Variants in PRKCE observed in about 807,000 individuals in gnomAD.
PRKCE encodes the protein protein kinase C epsilon.
Under a neutral mutation model 85.4 loss-of-function variants are expected in PRKCE, and 16 were observed. That is an observed-to-expected ratio of 0.19 (90% confidence interval 0.13 to 0.28). PRKCE has a LOEUF of 0.28. Among genes scored for constraint, PRKCE ranks in the 10% least tolerant of loss-of-function variants. PRKCE has a pLI of 1.00. For missense variants in PRKCE, 573 were observed against 975.2 expected (o/e 0.59, Z 5.49); for synonymous variants, 388 against 371.5 (o/e 1.04, Z -0.51).
At position 45,934,961 on chromosome 2, in the gene PRKCE, T is replaced by C. The variant is rs1023351683; in HGVS notation, c.413-41468T>C. Among the ~76,000 whole-genome samples the C allele has an allele frequency of 7.2e-5, 11 of 151,810 alleles. No individual in the cohort carries two copies. In the East Asian group the frequency reaches 2.1e-3, roughly 29 times the overall value. On this transcript the variant is annotated intron_variant, in intron 2 of 14. Coordinates refer to ENST00000306156, the MANE Select transcript of PRKCE (RefSeq NM_005400.3). ...CTGTAGTCCCAGCTACTTGTGAGGC[T>C]GAGGCAGGAGCATTGCTTGATCGTG...
chr2:46,178,451 C>G (rs1679652882), intron 14 of PRKCE, among the ~76,000 whole-genome samples: 1 of 152,228 alleles, frequency 6.6e-6, no homozygotes. Context: ...AAATTTTTAA[C>G]TTGAGAGTTA....
intron 1 of PRKCE, among the ~76,000 whole-genome samples, chr2:45,826,583 A>G (rs922865604): frequency 6.6e-6 from 1 of 152,150 alleles, no homozygotes; most frequent in Non-Finnish European, 1.5e-5. Context: ...TACCAAATTC[A>G]GGTCTTAAGC....
chr2:45,884,554 G>A (rs1333650526), intron 2 of PRKCE, among the ~76,000 whole-genome samples: 4 of 152,094 alleles, frequency 2.6e-5, no homozygotes, highest in African/African-American at 7.2e-5. Context: ...CGACACCTAC[G>A]ACAATGTTAT....
At chr2:45,896,991 T>A (rs1286143538) in intron 2 of PRKCE, among the ~76,000 whole-genome samples, 4 of 152,074 alleles carry the variant, frequency 2.6e-5, no homozygotes, top group Non-Finnish European at 5.9e-5. Flanking sequence ...GGTGAAAGGA[T>A]CCCTTGAGCC....
At position 46,109,979 on chromosome 2, in the gene PRKCE, G is replaced by T. The variant is rs1359863308; in HGVS notation, c.1592+23617G>T. Among the ~76,000 whole-genome samples, 3 of 151,986 alleles carry T rather than the reference G, an allele frequency of 2.0e-5. No individual in the cohort carries two copies. In the East Asian group the frequency reaches 5.8e-4, roughly 29 times the overall value. ...TGATCAAATGATTTTTCTTCTCTAG[G>T]CTATTGATACGGCAGACTACATTGA... On this transcript the variant is annotated intron_variant, in intron 11 of 14. Transcript: ENST00000306156.
intron 2 of PRKCE, among the ~76,000 whole-genome samples, chr2:45,862,183 TACACACACACACACACACAC>T (rs6146747): frequency 3.6e-4 from 52 of 144,014 alleles, no homozygotes; most frequent in African/African-American, 7.6e-4. Flanking sequence ...TCTTCTTGTA[TACACACACACACACACACAC>T]ACACACACAC....
chr2:46,180,157 T>C (rs1679826289), intron 14 of PRKCE, among the ~76,000 whole-genome samples: 1 of 152,020 alleles, frequency 6.6e-6, no homozygotes, highest in Non-Finnish European at 1.5e-5. Flanking sequence ...ACAAGAAGCT[T>C]TGCTCAAGCA....
At chr2:45,782,151 G>A (rs1007524080) in intron 1 of PRKCE, among the ~76,000 whole-genome samples, 2 of 152,116 alleles carry the variant, frequency 1.3e-5, no homozygotes, top group Middle Eastern at 3.2e-3. Flanking sequence ...TAAACTCTTC[G>A]GAGCTGAGCT....
chr2:45,918,024 G>C (rs572225048), intron 2 of PRKCE, among the ~76,000 whole-genome samples: 1 of 152,232 alleles, frequency 6.6e-6, no homozygotes, highest in African/African-American at 2.4e-5. Flanking sequence ...CGCTAGCGCC[G>C]CGCGCAGCCC....
chr2:45,984,413 G>A, intron 5 of PRKCE, 138 bp from the exon 6 acceptor site: 1 of 1,253,998 alleles, frequency 8.0e-7, no homozygotes, highest in Non-Finnish European at 1.1e-6. Flanking sequence ...CCTCAGGGCA[G>A]CTTTTAGAGC....
At chr2:46,082,530 G>A (rs1232720105) in intron 10 of PRKCE, among the ~76,000 whole-genome samples, 1 of 152,120 alleles carries the variant, frequency 6.6e-6, no homozygotes, top group Non-Finnish European at 1.5e-5. Context: ...TGTCAGAACC[G>A]CAGTTGGATG....
intron 14 of PRKCE, among the ~76,000 whole-genome samples, chr2:46,162,374 A>G (rs1677864808): frequency 2.0e-5 from 3 of 152,264 alleles, no homozygotes; most frequent in Admixed American, 6.5e-5. Context: ...GAGGATGGCA[A>G]AGAGAAAGGA....
intron 1 of PRKCE, among the ~76,000 whole-genome samples, chr2:45,783,114 G>C (rs900467539): frequency 1.3e-5 from 2 of 152,184 alleles, no homozygotes. Context: ...TCCCAGGCTG[G>C]TGCTTGGCAG....
intron 10 of PRKCE, among the ~76,000 whole-genome samples, chr2:46,029,556 C>G (rs1707370454): frequency 6.6e-6 from 1 of 152,160 alleles, no homozygotes; most frequent in Admixed American, 6.5e-5. Flanking sequence ...TCCCTGTATC[C>G]CTCAGTCCCA....
At chr2:45,735,228 T>A (rs1419782113) in intron 1 of PRKCE, among the ~76,000 whole-genome samples, 1 of 152,226 alleles carries the variant, frequency 6.6e-6, no homozygotes, top group African/African-American at 2.4e-5. Context: ...CTGCCATATC[T>A]CCCACCACTA....
At chr2:46,182,798 C>T (rs1372440056) in intron 14 of PRKCE, among the ~76,000 whole-genome samples, 3 of 152,274 alleles carry the variant, frequency 2.0e-5, no homozygotes. Context: ...TCCACCCATG[C>T]TTGCCTACTG....
intron 2 of PRKCE, among the ~76,000 whole-genome samples, chr2:45,858,852 C>A (rs1310413600): frequency 6.6e-6 from 1 of 151,778 alleles, no homozygotes; most frequent in African/African-American, 2.4e-5. Context: ...ACCAGCCTGG[C>A]CAACATGGTG....
At chr2:46,141,412 T>A (rs1312446090) in intron 11 of PRKCE, among the ~76,000 whole-genome samples, 1 of 152,190 alleles carries the variant, frequency 6.6e-6, no homozygotes, top group Non-Finnish European at 1.5e-5. Flanking sequence ...GAACATATAA[T>A]CATATTTTCT....
At chr2:45,710,317 T>A (rs1679513986) in intron 1 of PRKCE, among the ~76,000 whole-genome samples, 1 of 152,216 alleles carries the variant, frequency 6.6e-6, no homozygotes, top group Admixed American at 6.5e-5. Flanking sequence ...AAGCTGGGAT[T>A]TGAACCCAAA....
Sources: allele counts gnomAD v4.1 joint callset (sites outside exome capture counted in the v4.1 genomes callset), GRCh38; gene constraint gnomAD v4.1.1; transcripts MANE v1.5; gene names NCBI Gene and HGNC (gene_info 2026-07-23, HGNC 2026-07-21).